AGBL4: variants seen among roughly 807,000 people sequenced by gnomAD.
AGBL4 encodes the protein cytosolic carboxypeptidase 6.
Under a neutral mutation model 66.4 loss-of-function variants are expected in AGBL4, and 58 were observed. The observed-to-expected ratio is 0.87, with a 90% CI of 0.71 to 1.09. The LOEUF (loss-of-function observed/expected upper bound fraction) is 1.09. Among genes scored for constraint, AGBL4 ranks in the 50% least tolerant of loss-of-function variants. The pLI, the probability that AGBL4 is intolerant of heterozygous loss-of-function variation, is 0.00. For missense variants in AGBL4, 579 were observed against 631.0 expected (o/e 0.92, Z 0.88); for synonymous variants, 234 against 222.9 (o/e 1.05, Z -0.44).
chr1:49,177,419 G>C (rs1055286479), intron 4 of AGBL4, among the ~76,000 whole-genome samples: 4 of 152,122 alleles, frequency 2.6e-5, no homozygotes, highest in Non-Finnish European at 5.9e-5. Context: ...TATGTGATGT[G>C]AATAACACTT....
At chr1:48,534,736 C>T (rs566524163) in intron 13 of AGBL4, among the ~76,000 whole-genome samples, 154 bp downstream of exon 13, 32 of 152,216 alleles carry the variant, frequency 2.1e-4, no homozygotes, top group African/African-American at 7.2e-4. Context: ...TAACATACTG[C>T]CCCCTCCACC....
At chr1:49,689,538 T>A (rs1646847550) in intron 3 of AGBL4, among the ~76,000 whole-genome samples, 1 of 152,202 alleles carries the variant, frequency 6.6e-6, no homozygotes, top group South Asian at 2.1e-4. Context: ...TTGCTCAGGA[T>A]AGCTTTGGTT....
chr1:48,800,972 T>C (rs1645792709), intron 6 of AGBL4, among the ~76,000 whole-genome samples: 1 of 151,970 alleles, frequency 6.6e-6, no homozygotes, highest in African/African-American at 2.4e-5. Flanking sequence ...CAGACTCTTT[T>C]TGGGAGGGGC....
chr1:48,775,919 A>C (rs1205183898), intron 6 of AGBL4, among the ~76,000 whole-genome samples: 1 of 152,190 alleles, frequency 6.6e-6, no homozygotes, highest in African/African-American at 2.4e-5. Context: ...AGATTCAGAA[A>C]GGGGTGTGGA....
intron 3 of AGBL4, among the ~76,000 whole-genome samples, chr1:49,614,256 C>G (rs566285911): frequency 1.3e-5 from 2 of 152,106 alleles, no homozygotes; most frequent in African/African-American, 4.8e-5. Flanking sequence ...AATTTTAATA[C>G]TATAGACTAG....
intron 3 of AGBL4, among the ~76,000 whole-genome samples, chr1:49,585,514 C>T (rs1644630583): frequency 5.3e-5 from 8 of 151,990 alleles, no homozygotes; most frequent in Admixed American, 5.2e-4. Flanking sequence ...GCCCTCAATC[C>T]TATAAAAGGT....
intron 5 of AGBL4, among the ~76,000 whole-genome samples, chr1:49,019,706 T>C (rs1272821722): frequency 6.6e-6 from 1 of 152,256 alleles, no homozygotes; most frequent in Non-Finnish European, 1.5e-5. Flanking sequence ...TAAATTATAG[T>C]TACCAGTTGA....
chr1:50,019,304 TCTCACA>T lies in AGBL4; in HGVS notation c.34+4453_34+4458del, dbSNP rs1662256849. ...CTCTCTCTCTCTCTCTCTCTCTCTC[TCTCACA>T]CACACACACACACACACACACACAC... On this transcript the variant is annotated intron_variant, in intron 1 of 13. Coordinates refer to ENST00000371839, the MANE Select transcript of AGBL4 (RefSeq NM_032785.4). Among the ~76,000 whole-genome samples, 16 of 46,884 alleles carry T rather than the reference TCTCACA, an allele frequency of 3.4e-4. No individual in the cohort carries two copies. In the South Asian group the frequency reaches 0.015, roughly 45 times the overall value. 30.8% of individuals were successfully genotyped at this position (46,884 alleles called of 152,430 possible). A position where few individuals can be genotyped will look rare whatever the true frequency, so the allele number is the denominator to read the frequency against.
chr1:48,571,443 C>G (rs1254816554), intron 11 of AGBL4, among the ~76,000 whole-genome samples: 1 of 152,218 alleles, frequency 6.6e-6, no homozygotes, highest in African/African-American at 2.4e-5. Context: ...TAGTGTCTAG[C>G]TAGACTTCAG....
At chr1:49,340,948 G>A (rs1376818318) in intron 3 of AGBL4, among the ~76,000 whole-genome samples, 1 of 152,180 alleles carries the variant, frequency 6.6e-6, no homozygotes, top group African/African-American at 2.4e-5. Context: ...GAAGACAGTA[G>A]TTACACAAAG....
At chr1:48,573,057 C>T (rs1477001157) in intron 11 of AGBL4, among the ~76,000 whole-genome samples, 1 of 152,180 alleles carries the variant, frequency 6.6e-6, no homozygotes, top group Non-Finnish European at 1.5e-5. Flanking sequence ...CTGTGGCTGC[C>T]TCTACACCGG....
At chr1:49,770,993 CTCTT>C (rs2147883139) in intron 2 of AGBL4, among the ~76,000 whole-genome samples, 1 of 151,800 alleles carries the variant, frequency 6.6e-6, no homozygotes, top group Non-Finnish European at 1.5e-5. Flanking sequence ...TTTTTTTAGT[CTCTT>C]TCATTTATTT....
intron 3 of AGBL4, among the ~76,000 whole-genome samples, chr1:49,359,050 T>C (rs1013615335): frequency 6.6e-6 from 1 of 152,234 alleles, no homozygotes; most frequent in Non-Finnish European, 1.5e-5. Context: ...GTGAGCACCA[T>C]GTGTGCGTAC....
At chr1:49,718,496 A>C (rs984907477) in intron 2 of AGBL4, among the ~76,000 whole-genome samples, 1 of 152,196 alleles carries the variant, frequency 6.6e-6, no homozygotes, top group South Asian at 2.1e-4. Flanking sequence ...GACTAATACA[A>C]CAAATTATTA....
chr1:48,850,790 T>C (rs1461171335), intron 6 of AGBL4, among the ~76,000 whole-genome samples: 2 of 152,326 alleles, frequency 1.3e-5, no homozygotes, highest in East Asian at 3.9e-4. Context: ...CATTCAGTTT[T>C]TCTTCTAATA....
intron 1 of AGBL4, among the ~76,000 whole-genome samples, chr1:49,861,526 G>A (rs182201700): frequency 3.9e-5 from 6 of 151,918 alleles, no homozygotes; most frequent in Non-Finnish European, 7.4e-5. Context: ...ACACACCCTG[G>A]GATTTTGTAG....
chr1:49,486,737 C>A (rs925958475), intron 3 of AGBL4, among the ~76,000 whole-genome samples: 2 of 152,042 alleles, frequency 1.3e-5, no homozygotes, highest in Admixed American at 6.6e-5. Flanking sequence ...TCATTCCTCA[C>A]ATGATGCAAA....
intron 4 of AGBL4, among the ~76,000 whole-genome samples, chr1:49,054,567 G>A (rs929870478): frequency 6.6e-6 from 1 of 151,818 alleles, no homozygotes; most frequent in Non-Finnish European, 1.5e-5. Context: ...TTGGTTTGAG[G>A]TGTCTACATA....
intron 4 of AGBL4, among the ~76,000 whole-genome samples, chr1:49,181,881 C>T (rs1569967504): frequency 6.6e-6 from 1 of 152,228 alleles, no homozygotes; most frequent in East Asian, 1.9e-4. Flanking sequence ...GAGAGAACTG[C>T]ACAAAAGATG....
Sources: allele counts gnomAD v4.1 joint callset (sites outside exome capture counted in the v4.1 genomes callset), GRCh38; gene constraint gnomAD v4.1.1; transcripts MANE v1.5; gene names NCBI Gene and HGNC (gene_info 2026-07-23, HGNC 2026-07-21).